NELL1: variants seen among roughly 807,000 people sequenced by gnomAD.
The protein encoded by NELL1 is neural EGFL like 1, also known as protein kinase C-binding protein NELL1.
Under a neutral mutation model 107.4 loss-of-function variants are expected in NELL1, and 76 were observed. That is an observed-to-expected ratio of 0.71 (90% CI 0.59 to 0.86). The LOEUF (loss-of-function observed/expected upper bound fraction) is 0.86. NELL1 is among the 40% of genes least tolerant of loss of function. The pLI is 0.00. For missense variants in NELL1, 1,024 were observed against 1,005.5 expected (o/e 1.02, Z -0.25); for synonymous variants, 353 against 341.2 (o/e 1.03, Z -0.38).
chr11:20,932,348 A>T (rs1850635687), intron 9 of NELL1, among the ~76,000 whole-genome samples: 1 of 152,208 alleles, frequency 6.6e-6, no homozygotes, highest in Non-Finnish European at 1.5e-5. Context: ...TATGCAAAAC[A>T]GTATGTGTGA....
intron 15 of NELL1, among the ~76,000 whole-genome samples, chr11:21,463,297 G>A (rs962004838): frequency 1.3e-5 from 2 of 151,944 alleles, no homozygotes; most frequent in African/African-American, 2.4e-5. Context: ...TTGGAGAGTT[G>A]GCCATCTGAT....
At chr11:21,095,647 G>A (rs1007842557) in intron 12 of NELL1, among the ~76,000 whole-genome samples, 2 of 151,834 alleles carry the variant, frequency 1.3e-5, no homozygotes, top group South Asian at 4.2e-4. Flanking sequence ...TTTTGTTCTT[G>A]TTGCCCAGGC....
intron 14 of NELL1, among the ~76,000 whole-genome samples, chr11:21,279,257 G>T (rs994296328): frequency 6.6e-6 from 1 of 152,094 alleles, no homozygotes; most frequent in Non-Finnish European, 1.5e-5. Flanking sequence ...GTTCATGAAA[G>T]AATAATAATA....
At chr11:20,728,136 T>G (rs893701687) in intron 2 of NELL1, among the ~76,000 whole-genome samples, 5 of 152,090 alleles carry the variant, frequency 3.3e-5, no homozygotes, top group African/African-American at 1.2e-4. Context: ...GTCTTTTATG[T>G]GTTTTTTAAT....
intron 2 of NELL1, among the ~76,000 whole-genome samples, chr11:20,756,500 G>C (rs978077333): frequency 6.7e-6 from 1 of 150,186 alleles, no homozygotes; most frequent in Admixed American, 6.6e-5. Flanking sequence ...AGATGGCGCC[G>C]GGCTAATTTT....
At position 20,914,136 on chromosome 11, in the gene NELL1, G is replaced by A. The variant is rs909976735; in HGVS notation, c.604-4046G>A. ...TTGGAGTGTTAATCGAAAAGTGTCT[G>A]GATCTGTCTCTAGCTAATGATAAAC... On this transcript the variant is annotated intron_variant, in intron 5 of 19. Transcript: ENST00000357134. Among the ~76,000 whole-genome samples the A allele has an allele frequency of 5.9e-5, 9 of 152,144 alleles. 1 individual carries two copies. In the Middle Eastern group the frequency reaches 0.014, roughly 230 times the overall value.
chr11:21,121,372 C>T (rs544604682), intron 13 of NELL1, among the ~76,000 whole-genome samples: 13 of 152,188 alleles, frequency 8.5e-5, no homozygotes, highest in Non-Finnish European at 1.5e-4. Flanking sequence ...ATGTATAAGA[C>T]GCTGGATAGA....
intron 15 of NELL1, among the ~76,000 whole-genome samples, chr11:21,393,319 AC>A (rs1419570388): frequency 6.6e-6 from 1 of 151,534 alleles, no homozygotes. Flanking sequence ...GTGTAGAAAG[AC>A]CAGGGGGTCA....
At chr11:21,450,148 C>T (rs186239655) in intron 15 of NELL1, among the ~76,000 whole-genome samples, 16 of 152,308 alleles carry the variant, frequency 1.1e-4, no homozygotes, top group African/African-American at 3.6e-4. Flanking sequence ...AATTTATTGT[C>T]ATTTTATTAT....
At chr11:20,896,774 A>G (rs1330430188) in intron 5 of NELL1, among the ~76,000 whole-genome samples, 2 of 152,204 alleles carry the variant, frequency 1.3e-5, no homozygotes, top group African/African-American at 4.8e-5. Flanking sequence ...AATAACAGAC[A>G]AACAGAGAGC....
intron 14 of NELL1, among the ~76,000 whole-genome samples, chr11:21,351,279 T>G (rs541729712): frequency 3.3e-5 from 5 of 152,168 alleles, no homozygotes; most frequent in African/African-American, 1.2e-4. Context: ...TTTTTTTTGT[T>G]GGTTTAAGTC....
intron 13 of NELL1, among the ~76,000 whole-genome samples, chr11:21,167,298 G>A (rs73454565): frequency 0.021 from 3,166 of 151,766 alleles, 204 homozygotes; most frequent in African/African-American, 0.074. Flanking sequence ...TCTTCTCCTG[G>A]AACAATTCAA....
Position 20,757,933 on chromosome 11 carries a change from A to G in NELL1, c.185-25747A>G, listed in dbSNP as rs368651109. On this transcript the variant is annotated intron_variant, in intron 2 of 19. Transcript: ENST00000357134. ...AACAGTTTTAGAGGCTGAGAAGTCC[A>G]AGATTAGGGTTTCAGCATGGTCAGG... 1.8e-4 allele frequency among the ~76,000 whole-genome samples: 27 copies of G among 152,362 alleles called. No homozygotes were observed. In the South Asian group the frequency reaches 5.6e-3, roughly 32 times the overall value.
chr11:21,404,686 T>C (rs1238330976), intron 15 of NELL1, among the ~76,000 whole-genome samples: 1 of 152,022 alleles, frequency 6.6e-6, no homozygotes, highest in East Asian at 1.9e-4. Context: ...ATAATAATCA[T>C]GAAAATTAGA....
At chr11:21,120,448 G>T (rs58665817) in intron 13 of NELL1, among the ~76,000 whole-genome samples, 22,436 of 151,960 alleles carry the variant, frequency 0.15, 1,714 homozygotes, top group Non-Finnish European at 0.17. Context: ...AGAACATTCC[G>T]CAACCTGATT....
intron 2 of NELL1, among the ~76,000 whole-genome samples, chr11:20,772,613 T>TTTCATTCATTCATTCATTCATTCA (rs3045564): frequency 2.5e-4 from 37 of 150,932 alleles, no homozygotes; most frequent in Non-Finnish European, 4.0e-4. Context: ...ATTAGGCACT[T>TTTCATTCATTCATTCATTCATTCA]TTCATTCATT....
intron 15 of NELL1, among the ~76,000 whole-genome samples, chr11:21,493,173 T>C (rs1854876540): frequency 6.6e-6 from 1 of 152,094 alleles, no homozygotes; most frequent in African/African-American, 2.4e-5. Context: ...TGGAGAACAG[T>C]ACACTTTCCT....
chr11:21,005,772 G>A (rs1590529769), intron 12 of NELL1, among the ~76,000 whole-genome samples: 1 of 152,130 alleles, frequency 6.6e-6, no homozygotes, highest in East Asian at 1.9e-4. Context: ...AAACGTAACC[G>A]TGATGGATTC....
At chr11:21,344,100 C>T (rs1205409970) in intron 14 of NELL1, among the ~76,000 whole-genome samples, 6 of 152,174 alleles carry the variant, frequency 3.9e-5, no homozygotes, top group Non-Finnish European at 7.3e-5. Context: ...CAGAGATCTG[C>T]GCATTCTGTC....
Sources: allele counts gnomAD v4.1 joint callset (sites outside exome capture counted in the v4.1 genomes callset), GRCh38; gene constraint gnomAD v4.1.1; transcripts MANE v1.5; gene names NCBI Gene and HGNC (gene_info 2026-07-23, HGNC 2026-07-21).